The following CLEC3A variants were observed in gnomAD, a reference collection of about 807,000 sequenced individuals.
CLEC3A encodes the protein C-type lectin domain family 3 member A, also known as C-type (calcium dependent, carbohydrate-recognition domain) lectin, superfamily member 1 (cartilage-derived).
CLEC3A carries 28 observed loss-of-function variants against 20.4 expected under a neutral mutation model. The observed-to-expected ratio is 1.37, with a 90% confidence interval of 1.02 to 1.88. The LOEUF (loss-of-function observed/expected upper bound fraction) is 1.88, where lower values mean the gene tolerates loss of function less well. Among genes scored for constraint, CLEC3A ranks in the 40% most tolerant of loss-of-function variants. The pLI is 0.00. For missense variants in CLEC3A, 357 were observed against 240.4 expected, an observed-to-expected ratio of 1.48 and a Z score of -3.21; for synonymous variants, 110 against 88.1, an observed-to-expected ratio of 1.25 and a Z score of -1.39.
At chr16:78,024,555 T>G (rs928048163) in intron 1 of CLEC3A, among the ~76,000 whole-genome samples, 2 of 152,162 alleles carry the variant, frequency 1.3e-5, no homozygotes, top group African/African-American at 4.8e-5. Context: ...TTAAATGTCA[T>G]TCCCCCAGTA....
At chr16:78,022,897 T>C (rs192937360) in intron 1 of CLEC3A, among the ~76,000 whole-genome samples, 156 bp downstream of exon 1, 3,788 of 152,156 alleles carry the variant, frequency 0.025, 55 homozygotes, top group African/African-American at 0.042. Context: ...AGTGAACTTG[T>C]AATGCTCTGG....
At chr16:78,028,361 T>C (rs1285245570) in intron 2 of CLEC3A, among the ~76,000 whole-genome samples, 171 bp downstream of exon 2, 2 of 152,186 alleles carry the variant, frequency 1.3e-5, no homozygotes, top group South Asian at 2.1e-4. Flanking sequence ...TCATTTACAA[T>C]CCCATTCTCC....
At chr16:78,023,858 C>A (rs913591039) in intron 1 of CLEC3A, among the ~76,000 whole-genome samples, 1 of 151,380 alleles carries the variant, frequency 6.6e-6, no homozygotes, top group Non-Finnish European at 1.5e-5. Flanking sequence ...CCTGGGTTCA[C>A]GCCATTCTCC....
Position 78,030,721 on chromosome 16 carries a change from G to C in CLEC3A, c.474G>C (p.Gln158His). Reference sequence around the variant, plus strand: ...CCTTCCTCAACTGGGACCGTGCACAGCCTAACGGTGGCAAGCGAGAAAACT... The same window carrying C: ...CCTTCCTCAACTGGGACCGTGCACACCCTAACGGTGGCAAGCGAGAAAACT... ...AISFLNWDRA[Q>H]PNGGKRENCV... The change falls in exon 3 of 3, where the codon CAG (glutamine) becomes CAC (histidine). Residue 158 changes from glutamine (Q) to histidine (H), a missense_variant. Gln to His is a conservative substitution (Grantham distance 24). Transcript: ENST00000299642. 1.9e-6 allele frequency: 3 copies of C among 1,614,152 alleles called. No individual in the cohort carries two copies. The highest frequency in any genetic ancestry group is 2.2e-5 in the South Asian group (2 of 91,076).
intron 1 of CLEC3A, among the ~76,000 whole-genome samples, chr16:78,025,864 C>G (rs991257851): frequency 1.3e-5 from 2 of 152,194 alleles, no homozygotes; most frequent in Non-Finnish European, 2.9e-5. Context: ...TCCCAGGAGC[C>G]TAATATCAAT....
chr16:78,022,552 T>C lies in CLEC3A; in HGVS notation c.-75T>C. The C allele has an allele frequency of 6.4e-7, 1 of 1,564,976 alleles. No homozygotes were observed. The highest frequency in any genetic ancestry group is 8.6e-7 in the Non-Finnish European group (1 of 1,157,466). ...CAGCCCCAGGCATCCCAGAGCAAGA[T>C]GTAGCTGTGTAGTCTCCTTCCATAG... On this transcript the variant is annotated 5_prime_UTR_variant, in exon 1 of 3. It removes an upstream start codon present in the reference 5' UTR. Transcript: ENST00000299642.
intron 1 of CLEC3A, among the ~76,000 whole-genome samples, chr16:78,024,895 C>A (rs375187973): frequency 4.0e-5 from 6 of 151,880 alleles, no homozygotes; most frequent in African/African-American, 1.2e-4. Flanking sequence ...GGTGTGATCT[C>A]GGCTCACTGC....
At position 78,031,116 on chromosome 16, in the gene CLEC3A, C is replaced by G. The variant is rs1221728030; in HGVS notation, c.*275C>G. ...TAAAATCTTTCTCTCTAGTCTTTCT[C>G]ACTTGTACAAACCCAGTTTGTTTTC... On this transcript the variant is annotated 3_prime_UTR_variant, in exon 3 of 3. Coordinates refer to ENST00000299642, the MANE Select transcript of CLEC3A (RefSeq NM_005752.6). 1 of 311,226 alleles carries G rather than the reference C, an allele frequency of 3.2e-6. No homozygotes were observed. Among genetic ancestry groups the G allele is most frequent in the Non-Finnish European group, 5.8e-6 (1 of 171,510 alleles). The allele number at this position is 311,226 out of a possible 1,614,324, so 19.3% of individuals were successfully genotyped here.
At chr16:78,029,259 T>A (rs1029568760) in intron 2 of CLEC3A, 1 of 367,162 alleles carries the variant, frequency 2.7e-6, no homozygotes, top group African/African-American at 2.1e-5. Context: ...CCTAAAACTA[T>A]CTTTATGCTC....
In CLEC3A at chr16:78,024,747, C is replaced by T. The variant is rs946689320; in HGVS notation, c.115+2006C>T. ...AGATCAAAAGTGAAAGCCATCTTCT[C>T]TCTCCCAATCCTCACCACAAAATTA... On this transcript the variant is annotated intron_variant, in intron 1 of 2. Coordinates refer to ENST00000299642, the MANE Select transcript of CLEC3A (RefSeq NM_005752.6). 2.6e-5 allele frequency among the ~76,000 whole-genome samples: 4 copies of T among 152,322 alleles called. No individual in the cohort carries two copies. The East Asian group carries it at 7.7e-4, about 29-fold the overall frequency.
At chr16:78,029,304 G>T (rs556768913) in intron 2 of CLEC3A, among the ~76,000 whole-genome samples, 1 of 152,118 alleles carries the variant, frequency 6.6e-6, no homozygotes, top group African/African-American at 2.4e-5. Flanking sequence ...ATATTACCAA[G>T]GCTCAGTTAT....
chr16:78,022,877 C>A, intron 1 of CLEC3A, 136 bp downstream of exon 1: 1 of 811,302 alleles, frequency 1.2e-6, no homozygotes, highest in Non-Finnish European at 1.8e-6. Context: ...TATGGCATTT[C>A]AGGGGATTAA....
chr16:78,029,950 G>A (rs1341993724), intron 2 of CLEC3A, among the ~76,000 whole-genome samples: 3 of 151,886 alleles, frequency 2.0e-5, no homozygotes, highest in Non-Finnish European at 2.9e-5. Flanking sequence ...TCAGGAGATC[G>A]AGACCATCCT....
chr16:78,031,658 C>G lies in CLEC3A; in HGVS notation c.*817C>G, dbSNP rs563505014. Reference sequence around the variant, plus strand: ...TTTGCTTTAGCATCCTTACTCTCACCTTTTATGAGATTGAGAGTGGACTTA... The same window carrying G: ...TTTGCTTTAGCATCCTTACTCTCACGTTTTATGAGATTGAGAGTGGACTTA... On this transcript the variant is annotated 3_prime_UTR_variant, in exon 3 of 3. Transcript: ENST00000299642. The G allele has an allele frequency of 6.6e-6, 1 of 152,232 alleles. No homozygotes were observed. Among genetic ancestry groups the G allele is most frequent in the South Asian group, 2.1e-4 (1 of 4,828 alleles). 9.4% of individuals were successfully genotyped at this position (152,232 alleles called of 1,614,324 possible).
At chr16:78,024,198 G>C (rs1467629371) in intron 1 of CLEC3A, among the ~76,000 whole-genome samples, 2 of 152,158 alleles carry the variant, frequency 1.3e-5, no homozygotes, top group Admixed American at 6.5e-5. Context: ...AGAAGATACT[G>C]GGTGACATGG....
At chr16:78,026,494 G>T (rs2029926516) in intron 1 of CLEC3A, among the ~76,000 whole-genome samples, 1 of 152,160 alleles carries the variant, frequency 6.6e-6, no homozygotes, top group Admixed American at 6.5e-5. Flanking sequence ...GCCTGGAGCT[G>T]GGCAAATTTA....
At chr16:78,028,381 G>A (rs1407950569) in intron 2 of CLEC3A, among the ~76,000 whole-genome samples, 191 bp downstream of exon 2, 2 of 152,198 alleles carry the variant, frequency 1.3e-5, no homozygotes, top group Non-Finnish European at 1.5e-5. Context: ...CTATATATGG[G>A]TGGTATAGAA....
chr16:78,022,577 G>A lies in CLEC3A; in HGVS notation c.-50G>A, dbSNP rs2018763608. ...TGTAGCTGTGTAGTCTCCTTCCATA[G>A]CTGCTCTAAGGGGGCTGGCAACATG... On this transcript the variant is annotated 5_prime_UTR_variant, in exon 1 of 3. Coordinates refer to ENST00000299642, the MANE Select transcript of CLEC3A (RefSeq NM_005752.6). The A allele has an allele frequency of 1.2e-6, 2 of 1,604,504 alleles. No homozygotes were observed. The highest frequency in any genetic ancestry group is 1.7e-6 in the Non-Finnish European group (2 of 1,175,624).
In CLEC3A at chr16:78,022,580, G is replaced by A. The variant is rs1157788651; in HGVS notation, c.-47G>A. The A allele has an allele frequency of 6.2e-7, 1 of 1,606,694 alleles. No individual in the cohort carries two copies. The highest frequency in any genetic ancestry group is 1.7e-5 in the Admixed American group (1 of 58,974). The stretch of plus-strand genomic sequence containing the variant: ...AGCTGTGTAGTCTCCTTCCATAGCT[G>A]CTCTAAGGGGGCTGGCAACATGGCT... On this transcript the variant is annotated 5_prime_UTR_variant, in exon 1 of 3. Coordinates refer to ENST00000299642, the MANE Select transcript of CLEC3A (RefSeq NM_005752.6).
Sources: allele counts gnomAD v4.1 joint callset (sites outside exome capture counted in the v4.1 genomes callset), GRCh38; gene constraint gnomAD v4.1.1; transcripts MANE v1.5; gene names NCBI Gene and HGNC (gene_info 2026-07-23, HGNC 2026-07-21).